LTBP1: variants seen among roughly 807,000 people sequenced by gnomAD.
LTBP1 encodes the protein latent transforming growth factor beta binding protein 1, also known as latent-transforming growth factor beta-binding protein 1.
LTBP1 carries 129 observed loss-of-function variants against 207.6 expected under a neutral mutation model. The ratio of observed to expected loss-of-function variants is 0.62; its 90% CI spans 0.54 to 0.72. The LOEUF (loss-of-function observed/expected upper bound fraction) is 0.72, where lower values mean the gene tolerates loss of function less well. Ranked by LOEUF, LTBP1 falls within the 30% of genes least tolerant of loss-of-function variation. LTBP1 has a pLI of 0.00. For synonymous variants in LTBP1, 963 were observed against 833.7 expected, an observed-to-expected ratio of 1.16 and a Z score of -2.67; for missense variants, 2,281 against 2,217.2, an observed-to-expected ratio of 1.03 and a Z score of -0.58.
intron 18 of LTBP1, among the ~76,000 whole-genome samples, chr2:33,277,979 G>A (rs371169794): frequency 1.5e-4 from 22 of 150,984 alleles, no homozygotes; most frequent in South Asian, 2.1e-4. Context: ...ACAGGTGACC[G>A]CCACCATGCC....
chr2:33,376,328 C>T (rs2095139369), intron 31 of LTBP1, among the ~76,000 whole-genome samples: 1 of 152,182 alleles, frequency 6.6e-6, no homozygotes, highest in African/African-American at 2.4e-5. Context: ...AACACATGTA[C>T]AATAACAAGA....
rs539428879 is a variant in LTBP1 at position 33,055,792 on chromosome 2, G to A, written c.863+34586G>A. ...GCAGGAGAAGGGGACATGTACCTGG[G>A]TAGGGCCAAATTCCCCTCCCCCTAC... is the stretch of plus-strand genomic sequence containing the variant. On this transcript the variant is annotated intron_variant, in intron 3 of 33. Transcript: ENST00000404816. Among the ~76,000 whole-genome samples, 6 of 152,290 alleles carry A rather than the reference G, an allele frequency of 3.9e-5. No individual in the cohort carries two copies. The South Asian group carries it at 6.2e-4, about 16-fold the overall frequency.
intron 15 of LTBP1, among the ~76,000 whole-genome samples, chr2:33,272,972 A>T (rs1248619917): frequency 6.6e-6 from 1 of 152,148 alleles, no homozygotes; most frequent in East Asian, 1.9e-4. Context: ...TCTGTACAGG[A>T]TATATAGAAG....
At chr2:33,007,606 A>G (rs985394088) in intron 2 of LTBP1, among the ~76,000 whole-genome samples, 2 of 152,244 alleles carry the variant, frequency 1.3e-5, no homozygotes, top group African/African-American at 4.8e-5. Context: ...AAATGGTAGC[A>G]TATTGTGCTT....
chr2:33,006,856 A>G (rs1686968923), intron 2 of LTBP1, among the ~76,000 whole-genome samples: 1 of 152,092 alleles, frequency 6.6e-6, no homozygotes, highest in Non-Finnish European at 1.5e-5. Flanking sequence ...TAGTAGCCAG[A>G]TGCATCGTGT....
intron 5 of LTBP1, among the ~76,000 whole-genome samples, chr2:33,145,699 C>T (rs143878288): frequency 6.6e-6 from 1 of 152,156 alleles, no homozygotes; most frequent in African/African-American, 2.4e-5. Context: ...CTGAGAATCC[C>T]ATAGCGTGCC....
chr2:33,113,658 C>G (rs1008375249), intron 4 of LTBP1, among the ~76,000 whole-genome samples: 1 of 152,192 alleles, frequency 6.6e-6, no homozygotes, highest in African/African-American at 2.4e-5. Flanking sequence ...TTCTAGGTAA[C>G]TTGACATCCT....
At chr2:33,146,186 T>C (rs1362740310) in intron 5 of LTBP1, among the ~76,000 whole-genome samples, 1 of 152,234 alleles carries the variant, frequency 6.6e-6, no homozygotes, top group African/African-American at 2.4e-5. Context: ...TGAAATTTGA[T>C]CTGCTGCAGT....
intron 19 of LTBP1, chr2:33,291,361 T>C (rs2148815958): frequency 6.6e-6 from 1 of 152,228 alleles, no homozygotes; most frequent in East Asian, 1.9e-4. Context: ...GCATGAATAA[T>C]TAAAGAGAGC....
intron 3 of LTBP1, among the ~76,000 whole-genome samples, chr2:33,090,566 C>G (rs1400424778): frequency 6.6e-6 from 1 of 152,068 alleles, no homozygotes; most frequent in Non-Finnish European, 1.5e-5. Context: ...GAGGTAGCTA[C>G]TATTATGGTT....
intron 24 of LTBP1, among the ~76,000 whole-genome samples, chr2:33,322,837 C>T (rs1212921790): frequency 6.6e-6 from 1 of 152,224 alleles, no homozygotes; most frequent in Non-Finnish European, 1.5e-5. Flanking sequence ...CGTTCTTTCT[C>T]AGATTCACTC....
At chr2:33,233,695 GCTT>G (rs1437526995) in intron 9 of LTBP1, among the ~76,000 whole-genome samples, 1 of 152,000 alleles carries the variant, frequency 6.6e-6, no homozygotes, top group Non-Finnish European at 1.5e-5. Flanking sequence ...TATAATGATA[GCTT>G]CTGACCCATG....
chr2:33,156,355 C>T (rs758919988), intron 5 of LTBP1, among the ~76,000 whole-genome samples: 7 of 152,124 alleles, frequency 4.6e-5, no homozygotes, highest in Admixed American at 6.5e-5. Context: ...CCATATTCGT[C>T]GTGCTTGTGA....
At chr2:33,161,720 T>C (rs2084486182) in intron 5 of LTBP1, among the ~76,000 whole-genome samples, 1 of 152,238 alleles carries the variant, frequency 6.6e-6, no homozygotes, top group African/African-American at 2.4e-5. Flanking sequence ...ATTAATATAT[T>C]TTAATTTATT....
chr2:33,056,558 G>A, intron 3 of LTBP1: 2 of 469,946 alleles, frequency 4.3e-6, no homozygotes, highest in Non-Finnish European at 7.5e-6. Flanking sequence ...TGGTCTCACT[G>A]ACTTCAAGAG....
intron 3 of LTBP1, among the ~76,000 whole-genome samples, chr2:33,065,519 C>T (rs1572463164): frequency 6.6e-6 from 1 of 152,010 alleles, no homozygotes; most frequent in East Asian, 1.9e-4. Flanking sequence ...CACTGCTCTA[C>T]ATCCTGGGTG....
intron 8 of LTBP1, among the ~76,000 whole-genome samples, chr2:33,220,456 G>A (rs1212679473): frequency 6.6e-6 from 1 of 151,974 alleles, no homozygotes; most frequent in African/African-American, 2.4e-5. Flanking sequence ...TTTTTGCTGT[G>A]AATACTTAAT....
At chr2:33,318,052 A>G (rs1195859200) in intron 24 of LTBP1, 1 of 152,214 alleles carries the variant, frequency 6.6e-6, no homozygotes, top group Admixed American at 6.5e-5. Flanking sequence ...CTCAAAGGAA[A>G]TGCTCATTGA....
rs546228789 is a variant in LTBP1, at chr2:33,057,725, C to T, written c.863+36519C>T. 3.1e-3 allele frequency among the ~76,000 whole-genome samples: 474 copies of T among 152,320 alleles called. 1 individual carries two copies. The highest frequency in any genetic ancestry group is 5.2e-3 in the Non-Finnish European group (353 of 68,010). ...CACGGCTGGCCGGCAGCTCTGAGTGCGGGGCCGCCAAGCCCACGCTCACCG... is the reference window on the plus strand; with the variant it reads ...CACGGCTGGCCGGCAGCTCTGAGTGTGGGGCCGCCAAGCCCACGCTCACCG... On this transcript the variant is annotated intron_variant, in intron 3 of 33. Coordinates refer to ENST00000404816, the MANE Select transcript of LTBP1 (RefSeq NM_206943.4).
Sources: gnomAD v4.1 joint callset for allele counts (sites outside exome capture counted in the v4.1 genomes callset) on GRCh38, gnomAD v4.1.1 for gene constraint, MANE v1.5 for transcripts, NCBI Gene and HGNC (gene_info 2026-07-23, HGNC 2026-07-21) for gene names.